Variants in OR51B5 observed in about 807,000 individuals in gnomAD.
The protein encoded by OR51B5 is olfactory receptor 51B5.
For missense variants in OR51B5, 456 were observed against 374.6 expected (o/e 1.22, Z -1.79); for synonymous variants, 186 against 144.8 (o/e 1.28, Z -2.04).
intron 1 of OR51B5, among the ~76,000 whole-genome samples, chr11:5,501,770 CCT>C (rs1034252028): frequency 2.0e-5 from 3 of 148,076 alleles, no homozygotes; most frequent in African/African-American, 4.9e-5. Flanking sequence ...TTAATTTCTC[CCT>C]GTTTATTATT....
chr11:5,374,939 T>C (rs956168236), intron 1 of OR51B5, among the ~76,000 whole-genome samples: 1 of 151,762 alleles, frequency 6.6e-6, no homozygotes, highest in Non-Finnish European at 1.5e-5. Flanking sequence ...ACTTCCCCAA[T>C]CTAGCAAGGC....
chr11:5,415,055 C>T (rs1177307608), intron 1 of OR51B5, among the ~76,000 whole-genome samples: 2 of 151,904 alleles, frequency 1.3e-5, no homozygotes, highest in Non-Finnish European at 2.9e-5. Flanking sequence ...TGTAAAAGAA[C>T]AGAAATTATA....
intron 1 of OR51B5, among the ~76,000 whole-genome samples, chr11:5,386,550 C>T (rs537556479): frequency 5.5e-4 from 83 of 152,028 alleles, no homozygotes; most frequent in Non-Finnish European, 1.0e-3. Flanking sequence ...AGATCTTTTA[C>T]AAGTTTGAAC....
chr11:5,352,917 A>T (rs1357575343), intron 1 of OR51B5, among the ~76,000 whole-genome samples: 1 of 148,322 alleles, frequency 6.7e-6, no homozygotes, highest in Admixed American at 6.8e-5. Context: ...ATATGAACCA[A>T]TTATATATAT....
intron 1 of OR51B5, among the ~76,000 whole-genome samples, chr11:5,380,908 T>G (rs1428973027): frequency 6.6e-6 from 1 of 152,092 alleles, no homozygotes; most frequent in African/African-American, 2.4e-5. Flanking sequence ...GGTCAGAATT[T>G]AAGCCTATCC....
chr11:5,349,836 T>A lies in OR51B5; in HGVS notation n.85-2926A>T, dbSNP rs1849049337. Among the ~76,000 whole-genome samples the A allele has an allele frequency of 1.3e-5, 2 of 152,158 alleles. 1 individual carries two copies. Among genetic ancestry groups the A allele is most frequent in the South Asian group, 4.1e-4 (2 of 4,828 alleles). On this transcript the variant is annotated intron_variant and non_coding_transcript_variant, in intron 1 of 4. Transcript: ENST00000415970. ...CAATGCCCCAGGCTCAACGTTACTTTTAGCTATGTCAGAAGTTCCCACATT... is the reference window on the plus strand; with the variant it reads ...CAATGCCCCAGGCTCAACGTTACTTATAGCTATGTCAGAAGTTCCCACATT...
intron 1 of OR51B5, chr11:5,352,033 T>C: frequency 1.9e-6 from 3 of 1,613,968 alleles, no homozygotes; most frequent in Non-Finnish European, 2.5e-6. Context: ...CTCCCATGCT[T>C]TCTGTCTACA....
At chr11:5,397,590 T>C (rs1849897600) in intron 1 of OR51B5, among the ~76,000 whole-genome samples, 2 of 150,926 alleles carry the variant, frequency 1.3e-5, no homozygotes, top group East Asian at 1.9e-4. Flanking sequence ...GGAACACTTT[T>C]ACACTGTTGG....
intron 1 of OR51B5, among the ~76,000 whole-genome samples, chr11:5,399,343 T>C (rs1188011895): frequency 1.3e-5 from 2 of 152,188 alleles, no homozygotes; most frequent in Non-Finnish European, 2.9e-5. Flanking sequence ...CTCCTGAGAA[T>C]TCCTGAAAGA....
intron 1 of OR51B5, chr11:5,389,875 T>A (rs557025402): frequency 1.2e-6 from 2 of 1,613,450 alleles, no homozygotes; most frequent in African/African-American, 2.7e-5. Flanking sequence ...CAGGCCTAAT[T>A]GTCATCTTCC....
At chr11:5,481,869 T>C (rs1241833258) in intron 1 of OR51B5, among the ~76,000 whole-genome samples, 1 of 142,518 alleles carries the variant, frequency 7.0e-6, no homozygotes, top group African/African-American at 2.8e-5. Flanking sequence ...TACAAACAAA[T>C]GAAAGAACAT....
intron 1 of OR51B5, chr11:5,390,464 C>A: frequency 5.8e-6 from 7 of 1,199,590 alleles, no homozygotes; most frequent in Non-Finnish European, 5.7e-6. Flanking sequence ...ATATAGCATG[C>A]TCTTAAAGAT....
intron 1 of OR51B5, among the ~76,000 whole-genome samples, chr11:5,376,978 A>G (rs1339512723): frequency 1.2e-4 from 18 of 152,136 alleles, no homozygotes; most frequent in Admixed American, 1.0e-3. Context: ...GCATCATCCT[A>G]ATACCAAAGC....
rs190441041 is a variant in OR51B5 at position 5,343,331 on chromosome 11, G to A, written c.194C>T (p.Ala65Val). The change falls in exon 1 of 1, where the codon GCT becomes GTT. Residue 65 changes from alanine (A) to valine (V), a missense_variant. Ala to Val is a moderately conservative substitution (Grantham distance 64). Transcript: ENST00000300773. Reference sequence around the variant, plus strand: ...CAGGGCCAGCCCCAGGTCTGTGGCAGCCAGCATGGCCAGAAAGAAGTACAT... The same window carrying A: ...CAGGGCCAGCCCCAGGTCTGTGGCAACCAGCATGGCCAGAAAGAAGTACAT... 163 of 1,611,124 alleles carry A rather than the reference G, an allele frequency of 1.0e-4. 2 individuals carry two copies. In the East Asian group the frequency reaches 3.5e-3, roughly 35 times the overall value.
intron 1 of OR51B5, chr11:5,505,323 C>A (rs1018402687): frequency 7.7e-7 from 1 of 1,303,058 alleles, no homozygotes; most frequent in African/African-American, 1.5e-5. Context: ...ATATCTTCCC[C>A]AGTCAGAGGC....
intron 1 of OR51B5, among the ~76,000 whole-genome samples, chr11:5,374,601 T>A (rs1453854070): frequency 6.6e-6 from 1 of 152,062 alleles, no homozygotes; most frequent in Admixed American, 6.6e-5. Context: ...TTTAGATGAA[T>A]GTATAACTAG....
chr11:5,374,381 A>T (rs1849491436), intron 1 of OR51B5, among the ~76,000 whole-genome samples: 1 of 152,288 alleles, frequency 6.6e-6, no homozygotes, highest in Middle Eastern at 3.4e-3. Context: ...AAAGTTGGGG[A>T]AAAAACAGAG....
chr11:5,449,979 T>C (rs1850819474), intron 1 of OR51B5, among the ~76,000 whole-genome samples: 1 of 152,194 alleles, frequency 6.6e-6, no homozygotes. Flanking sequence ...TCTACCTTCT[T>C]TCTGCCCCCA....
intron 1 of OR51B5, among the ~76,000 whole-genome samples, chr11:5,439,400 C>A (rs1422562101): frequency 6.6e-6 from 1 of 152,156 alleles, no homozygotes; most frequent in Non-Finnish European, 1.5e-5. Flanking sequence ...CACTGAGTTT[C>A]CCACTTTAAA....
Sources: allele counts gnomAD v4.1 joint callset (sites outside exome capture counted in the v4.1 genomes callset), GRCh38; gene constraint gnomAD v4.1.1; transcripts MANE v1.5; gene names NCBI Gene and HGNC (gene_info 2026-07-23, HGNC 2026-07-21).